ANGPTL8: variants seen among roughly 807,000 people sequenced by gnomAD.
ANGPTL8 encodes angiopoietin-like protein 8.
Under a neutral mutation model 22.6 loss-of-function variants are expected in ANGPTL8, and 24 were observed. The ratio of observed to expected loss-of-function variants is 1.06; its 90% confidence interval spans 0.77 to 1.49. The LOEUF is 1.49. ANGPTL8 is among the 40% of genes most tolerant of loss of function. ANGPTL8 has a pLI of 0.00. For synonymous variants in ANGPTL8, 88 were observed against 113.4 expected (o/e 0.78, Z 1.42); for missense variants, 230 against 259.6 (o/e 0.89, Z 0.78).
At position 11,239,829 on chromosome 19, in the gene ANGPTL8, G is replaced by A; in HGVS notation, c.192G>A (p.Arg64=). 1 of 1,603,354 alleles carries A rather than the reference G, an allele frequency of 6.2e-7. No individual in the cohort carries two copies. Among genetic ancestry groups the A allele is most frequent in the South Asian group, 1.1e-5 (1 of 89,416 alleles). ...RTTEGRLTKA[R]NSLGLYGRTI... ...CGGAGGGACGGCTGACAAAGGCCAG[G>A]AACAGCCTGGGTCTCTATGGCCGCA... Residue 64 remains arginine (R), a synonymous_variant, in exon 1 of 4, where the codon AGG becomes AGA. Coordinates refer to ENST00000252453, the MANE Select transcript of ANGPTL8 (RefSeq NM_018687.7).
intron 3 of ANGPTL8, 26 bp from the exon 4 acceptor site, chr19:11,241,634 G>T: frequency 6.4e-7 from 1 of 1,568,288 alleles, no homozygotes; most frequent in African/African-American, 1.4e-5. Flanking sequence ...CCCCTCACCT[G>T]GGCTGAGCCA....
Position 11,241,800 on chromosome 19 carries a change from G to A in ANGPTL8, c.*113G>A, listed in dbSNP as rs2079950261. The A allele has an allele frequency of 1.3e-6, 2 of 1,509,182 alleles. No individual in the cohort carries two copies. Among genetic ancestry groups the A allele is most frequent in the Non-Finnish European group, 1.8e-6 (2 of 1,111,638 alleles). The allele number at this position is 1,509,182 out of a possible 1,614,324, so 93.5% of individuals were successfully genotyped here. On this transcript the variant is annotated 3_prime_UTR_variant, in exon 4 of 4. Coordinates refer to ENST00000252453, the MANE Select transcript of ANGPTL8 (RefSeq NM_018687.7). ...TTCACTGGGATCAGCCAGGGCGCCG[G>A]GCCCCACTTCTGAGCACAGAGCAGA...
chr19:11,241,309 A>G (rs2079940339), intron 2 of ANGPTL8, 136 bp from the exon 3 acceptor site: 1 of 618,008 alleles, frequency 1.6e-6, no homozygotes, highest in East Asian at 2.8e-5. Context: ...TCCCCATTTT[A>G]CAGATGGGGA....
In ANGPTL8 at chr19:11,241,686, G is replaced by C. The variant is rs1459088026; in HGVS notation, c.596G>C (p.Ter199SerextTer20). 1.3e-6 allele frequency: 2 copies of C among 1,583,042 alleles called. No individual in the cohort carries two copies. Among genetic ancestry groups the C allele is most frequent in the Non-Finnish European group, 1.7e-6 (2 of 1,165,592 alleles). ...ERLHTAALPA[*>S] Reference sequence around the variant, plus strand: ...CTCCACACAGCGGCGCTCCCAGCCTGAATCTGCCTGGATGGAACTGAGGAC... The same window carrying C: ...CTCCACACAGCGGCGCTCCCAGCCTCAATCTGCCTGGATGGAACTGAGGAC... The change falls in exon 4 of 4, where the codon TGA becomes TCA. Residue 199 changes from the stop codon to serine (S), a stop_lost. Coordinates refer to ENST00000252453, the MANE Select transcript of ANGPTL8 (RefSeq NM_018687.7).
rs10164278 is a variant in ANGPTL8 at position 11,240,092 on chromosome 19, A to T, written c.298-43A>T. On this transcript the variant is annotated intron_variant, in intron 1 of 3. Coordinates refer to ENST00000252453, the MANE Select transcript of ANGPTL8 (RefSeq NM_018687.7). ...CAGGCAAGTCCTTAGGTACACAAAG[A>T]TGAGTTGGACATCCTACTAGTGACC... 1.2e-3 allele frequency: 1,811 copies of T among 1,550,980 alleles called. 16 individuals carry two copies. The African/African-American group carries it at 0.023, about 20-fold the overall frequency.
chr19:11,241,523 C>T lies in ANGPTL8; in HGVS notation c.538C>T (p.Gln180Ter). The T allele has an allele frequency of 6.4e-7, 1 of 1,552,806 alleles. No homozygotes were observed. Among genetic ancestry groups the T allele is most frequent in the Non-Finnish European group, 8.7e-7 (1 of 1,147,668 alleles). Residue 180 changes from glutamine to a stop codon, truncating the protein, a stop_gained, in exon 3 of 4, where the codon CAG becomes TAG. Transcript: ENST00000252453. LOFTEE classifies it high-confidence loss of function. ...GCGGCAGAGGCGGGAGATGGTGGCA[C>T]AGCAGCATCGGCTGCGACAGATCCA... Reference protein sequence around the residue: ...VQRQRREMVAQQHRLRQIQER... With the variant: ...VQRQRREMVA
intron 2 of ANGPTL8, 148 bp downstream of exon 2, chr19:11,240,444 T>G: frequency 1.3e-6 from 1 of 799,410 alleles, no homozygotes; most frequent in Non-Finnish European, 1.9e-6. Flanking sequence ...CTCAAGTCCT[T>G]TTGTGTGCCT....
At chr19:11,241,626 C>T in intron 3 of ANGPTL8, 34 bp from the exon 4 acceptor site, 1 of 1,565,142 alleles carries the variant, frequency 6.4e-7, no homozygotes, top group Non-Finnish European at 8.7e-7. Context: ...AAAGGGGCCC[C>T]CTCACCTGGG....
At position 11,241,677 on chromosome 19, in the gene ANGPTL8, TC is replaced by T; in HGVS notation, c.590del (p.Pro197GlnfsTer?). 1 of 1,583,462 alleles carries T rather than the reference TC, an allele frequency of 6.3e-7. No individual in the cohort carries two copies. The highest frequency in any genetic ancestry group is 8.6e-7 in the Non-Finnish European group (1 of 1,165,786). On this transcript the variant is annotated frameshift_variant, in exon 4 of 4. Transcript: ENST00000252453. LOFTEE classifies it high-confidence loss of function. ...CTCCCCAGACTCCACACAGCGGCGC[TC>T]CCAGCCTGAATCTGCCTGGATGGAA... ...QIQERLHTAALPA is the reference protein window; with the variant it reads ...QIQERLHTAAXPA
intron 2 of ANGPTL8, among the ~76,000 whole-genome samples, chr19:11,240,759 G>T (rs1178812375): frequency 6.6e-6 from 1 of 151,664 alleles, no homozygotes; most frequent in Non-Finnish European, 1.5e-5. Flanking sequence ...TAGTAGAGAT[G>T]GGATTTCACC....
rs892066 is a variant in ANGPTL8, at chr19:11,239,664, C to G, written c.27C>G (p.Leu9=). The G allele has an allele frequency of 0.18, 285,176 of 1,613,544 alleles. 40,242 individuals are homozygous for G. Among genetic ancestry groups the G allele is most frequent in the African/African-American group, 0.73 (54,907 of 74,968 alleles). ...TGCCAGTGCCTGCTCTGTGCCTGCT[C>G]TGGGCCCTGGCAATGGTGACCCGGC... MPVPALCL[L]WALAMVTRPA... The change falls in exon 1 of 4, where the codon CTC becomes CTG. Residue 9 remains leucine (L), a synonymous_variant. Transcript: ENST00000252453.
rs760426491 is a variant in ANGPTL8 at position 11,239,707 on chromosome 19, A to G, written c.70A>G (p.Met24Val). The G allele has an allele frequency of 9.3e-6, 15 of 1,613,484 alleles. No homozygotes were observed. The South Asian group carries it at 1.6e-4, about 18-fold the overall frequency. The change falls in exon 1 of 4, where the codon ATG becomes GTG. Residue 24 changes from methionine to valine, a missense_variant. Physicochemically the swap from Met to Val is conservative, Grantham distance 21. Transcript: ENST00000252453. ...GACCCGGCCTGCCTCAGCGGCCCCC[A>G]TGGGCGGCCCAGAACTGGCACAGCA... is the stretch of plus-strand genomic sequence containing the variant. The part of the protein sequence containing the change: ...MVTRPASAAP[M>V]GGPELAQHEE...
chr19:11,240,371 C>T, intron 2 of ANGPTL8, 75 bp downstream of exon 2: 1 of 1,405,938 alleles, frequency 7.1e-7, no homozygotes, highest in South Asian at 1.5e-5. Flanking sequence ...CCTTGAGTCC[C>T]AAAGACCTCC....
chr19:11,241,877 G>T lies in ANGPTL8; in HGVS notation c.*190G>T. The T allele has an allele frequency of 1.6e-6, 2 of 1,254,566 alleles. No homozygotes were observed. Among genetic ancestry groups the T allele is most frequent in the Non-Finnish European group, 1.1e-6 (1 of 896,764 alleles). 77.7% of individuals were successfully genotyped at this position (1,254,566 alleles called of 1,614,324 possible). ...GAGGATGTAGCCCCATTGGGGAGGG[G>T]TGGAGGAAGGACATGTACCCTTTCA... On this transcript the variant is annotated 3_prime_UTR_variant, in exon 4 of 4. Coordinates refer to ENST00000252453, the MANE Select transcript of ANGPTL8 (RefSeq NM_018687.7).
chr19:11,241,647 T>A lies in ANGPTL8; in HGVS notation c.570-13T>A. 1 of 1,573,246 alleles carries A rather than the reference T, an allele frequency of 6.4e-7. No individual in the cohort carries two copies. The highest frequency in any genetic ancestry group is 8.6e-7 in the Non-Finnish European group (1 of 1,160,390). The stretch of plus-strand genomic sequence containing the variant: ...GCCCCCTCACCTGGGCTGAGCCACA[T>A]CTCCCTCCCCAGACTCCACACAGCG... On this transcript the variant is annotated splice_polypyrimidine_tract_variant and intron_variant, in intron 3 of 3. Coordinates refer to ENST00000252453, the MANE Select transcript of ANGPTL8 (RefSeq NM_018687.7).
chr19:11,239,940 C>T lies in ANGPTL8; in HGVS notation c.297+6C>T. 1 of 1,576,408 alleles carries T rather than the reference C, an allele frequency of 6.3e-7. No homozygotes were observed. Among genetic ancestry groups the T allele is most frequent in the South Asian group, 1.2e-5 (1 of 85,942 alleles). ...CAAGCCTGTTGGAGACTCAGGTGGG[C>T]ACCGTAGCTGCGACACTGTGGGGTG... On this transcript the variant is annotated splice_donor_region_variant and intron_variant, in intron 1 of 3. Coordinates refer to ENST00000252453, the MANE Select transcript of ANGPTL8 (RefSeq NM_018687.7).
At position 11,239,891 on chromosome 19, in the gene ANGPTL8, G is replaced by A. The variant is rs376405688; in HGVS notation, c.254G>A (p.Arg85Gln). Residue 85 changes from arginine to glutamine, a missense_variant, in exon 1 of 4, where the codon CGG (arginine) becomes CAG (glutamine). Coordinates refer to ENST00000252453, the MANE Select transcript of ANGPTL8 (RefSeq NM_018687.7). ...CTGGGGCAGGAGGTCAGCCGGGGCC[G>A]GGATGCAGCCCAGGAACTTCGGGCA... is the stretch of plus-strand genomic sequence containing the variant. ...ELLGQEVSRGRDAAQELRASL... is the reference protein window; with the variant it reads ...ELLGQEVSRGQDAAQELRASL... 334 of 1,594,094 alleles carry A rather than the reference G, an allele frequency of 2.1e-4. No individual in the cohort carries two copies. The highest frequency in any genetic ancestry group is 2.6e-4 in the Non-Finnish European group (302 of 1,170,786).
At chr19:11,240,338 T>G in intron 2 of ANGPTL8, 42 bp downstream of exon 2, 1 of 1,494,330 alleles carries the variant, frequency 6.7e-7, no homozygotes, top group South Asian at 1.3e-5. Flanking sequence ...GACCCTGATT[T>G]CCGGCCAGAA....
chr19:11,240,359 C>A, intron 2 of ANGPTL8, 63 bp downstream of exon 2: 1 of 1,450,654 alleles, frequency 6.9e-7, no homozygotes. Context: ...CTCGCTTCTG[C>A]ACCTTGAGTC....
Sources: allele counts gnomAD v4.1 joint callset (sites outside exome capture counted in the v4.1 genomes callset), GRCh38; gene constraint gnomAD v4.1.1; transcripts MANE v1.5; gene names NCBI Gene and HGNC (gene_info 2026-07-23, HGNC 2026-07-21).